CACNA2D1: variants seen among roughly 807,000 people sequenced by gnomAD.
CACNA2D1 encodes voltage-dependent calcium channel subunit alpha-2/delta-1.
Under a neutral mutation model 171.5 loss-of-function variants are expected in CACNA2D1, and 53 were observed. The ratio of observed to expected loss-of-function variants is 0.31; its 90% confidence interval spans 0.25 to 0.39. CACNA2D1 has a LOEUF of 0.39. Among genes scored for constraint, CACNA2D1 ranks in the 10% least tolerant of loss-of-function variants. CACNA2D1 has a pLI of 1.00. For missense variants in CACNA2D1, 903 were observed against 1,299.8 expected (o/e 0.69, Z 4.69); for synonymous variants, 442 against 443.1 (o/e 1.00, Z 0.03).
intron 7 of CACNA2D1, among the ~76,000 whole-genome samples, chr7:82,071,078 T>A (rs143555754): frequency 2.0e-3 from 306 of 152,306 alleles, no homozygotes; most frequent in African/African-American, 6.8e-3. Context: ...TTGTTGTTGA[T>A]GTTGTGTTAC....
At chr7:82,223,566 C>T (rs908682849) in intron 3 of CACNA2D1, among the ~76,000 whole-genome samples, 10 of 152,300 alleles carry the variant, frequency 6.6e-5, no homozygotes, top group Admixed American at 5.2e-4. Context: ...GTAAATCATA[C>T]CTCAAAATGG....
intron 4 of CACNA2D1, among the ~76,000 whole-genome samples, chr7:82,148,651 T>C (rs934262564): frequency 1.8e-4 from 27 of 152,184 alleles, no homozygotes; most frequent in Non-Finnish European, 1.0e-4. Flanking sequence ...TTTTTTGTTT[T>C]TTTGGAGATG....
intron 1 of CACNA2D1, among the ~76,000 whole-genome samples, chr7:82,425,290 C>A (rs1419227143): frequency 6.6e-6 from 1 of 152,058 alleles, no homozygotes; most frequent in East Asian, 1.9e-4. Context: ...GCCTCAACAA[C>A]CACACGATTT....
At chr7:82,407,979 T>C (rs1302602492) in intron 1 of CACNA2D1, among the ~76,000 whole-genome samples, 1 of 151,932 alleles carries the variant, frequency 6.6e-6, no homozygotes, top group African/African-American at 2.4e-5. Context: ...GAATAAAATA[T>C]ATTCTTTGCA....
intron 12 of CACNA2D1, among the ~76,000 whole-genome samples, chr7:82,014,959 G>A (rs1365369130): frequency 1.3e-5 from 2 of 152,112 alleles, no homozygotes; most frequent in African/African-American, 4.8e-5. Flanking sequence ...GGAAGCTGAG[G>A]CAGAATTGCT....
At chr7:81,987,750 C>A (rs767792033) in intron 21 of CACNA2D1, among the ~76,000 whole-genome samples, 1 of 151,982 alleles carries the variant, frequency 6.6e-6, no homozygotes, top group African/African-American at 2.4e-5. Context: ...ACTTGGAAAG[C>A]GAATGTGTGA....
chr7:82,336,722 T>C (rs774520003), intron 2 of CACNA2D1, among the ~76,000 whole-genome samples: 2 of 152,226 alleles, frequency 1.3e-5, no homozygotes, highest in African/African-American at 2.4e-5. Context: ...CAGACTAAGA[T>C]AAGATTTAGG....
At chr7:82,046,283 T>G (rs896128745) in intron 10 of CACNA2D1, among the ~76,000 whole-genome samples, 4 of 152,144 alleles carry the variant, frequency 2.6e-5, no homozygotes, top group Non-Finnish European at 4.4e-5. Context: ...TTAATCCCTG[T>G]CCAGGGAAAA....
intron 18 of CACNA2D1, among the ~76,000 whole-genome samples, chr7:82,003,970 C>A (rs909412202): frequency 6.6e-6 from 1 of 152,132 alleles, no homozygotes; most frequent in African/African-American, 2.4e-5. Flanking sequence ...GTCTCCAACT[C>A]CTGCCCTCAG....
At chr7:82,056,366 A>T (rs1288375880) in intron 10 of CACNA2D1, among the ~76,000 whole-genome samples, 1 of 152,160 alleles carries the variant, frequency 6.6e-6, no homozygotes, top group Non-Finnish European at 1.5e-5. Context: ...GGACCTATGG[A>T]GGTAGGCATG....
At chr7:82,148,506 T>C (rs1034303853) in intron 4 of CACNA2D1, among the ~76,000 whole-genome samples, 8 of 152,078 alleles carry the variant, frequency 5.3e-5, no homozygotes, top group Non-Finnish European at 8.8e-5. Flanking sequence ...TGGGAGAAAT[T>C]TGCCACATTT....
In CACNA2D1 at chr7:82,354,694, C is replaced by A. The variant is rs573031150; in HGVS notation, c.96-5045G>T. The stretch of plus-strand genomic sequence containing the variant: ...AGCTGGAAAGTATTTAAGGACTTGG[C>A]ACTATACCGGAGGTCATCAGTTTCC... On this transcript the variant is annotated intron_variant, in intron 1 of 38. Transcript: ENST00000356860. 1.1e-4 allele frequency among the ~76,000 whole-genome samples: 16 copies of A among 152,224 alleles called. No homozygotes were observed. In the East Asian group the frequency reaches 3.1e-3, roughly 29 times the overall value.
At chr7:82,002,037 AAAAAAAG>A (rs1193287065) in intron 18 of CACNA2D1, among the ~76,000 whole-genome samples, 7 of 150,230 alleles carry the variant, frequency 4.7e-5, no homozygotes, top group African/African-American at 1.7e-4. Flanking sequence ...AAAAAAAAAA[AAAAAAAG>A]AGAGAGAGAG....
At chr7:81,993,936 A>G in intron 20 of CACNA2D1, among the ~76,000 whole-genome samples, 1 of 152,102 alleles carries the variant, frequency 6.6e-6, no homozygotes, top group South Asian at 2.1e-4. Context: ...AAGTTTCAAC[A>G]AAGACTGAAA....
At chr7:82,356,109 T>C (rs1469269575) in intron 1 of CACNA2D1, among the ~76,000 whole-genome samples, 2 of 151,918 alleles carry the variant, frequency 1.3e-5, no homozygotes, top group African/African-American at 2.4e-5. Context: ...CCAAATGCAT[T>C]GAGACCTTAT....
chr7:82,030,830 T>C (rs529953222), intron 12 of CACNA2D1, among the ~76,000 whole-genome samples: 3 of 151,948 alleles, frequency 2.0e-5, no homozygotes, highest in Non-Finnish European at 2.9e-5. Context: ...ATTTTTGAGA[T>C]AGTACATTTT....
At chr7:82,295,341 AT>A (rs10645184) in intron 3 of CACNA2D1, among the ~76,000 whole-genome samples, 64,869 of 145,586 alleles carry the variant, frequency 0.45, 14,774 homozygotes, top group Middle Eastern at 0.59. Flanking sequence ...AGTAGCTTGT[AT>A]TTTTTTTTTT....
intron 4 of CACNA2D1, among the ~76,000 whole-genome samples, chr7:82,141,899 T>A (rs908452929): frequency 6.6e-6 from 1 of 152,236 alleles, no homozygotes; most frequent in African/African-American, 2.4e-5. Flanking sequence ...CAGTATCATT[T>A]AATACTTTAA....
chr7:82,198,195 T>C (rs1799047325), intron 3 of CACNA2D1, among the ~76,000 whole-genome samples: 2 of 152,054 alleles, frequency 1.3e-5, no homozygotes, highest in African/African-American at 4.8e-5. Flanking sequence ...AACAATCCTA[T>C]CAGTAGGTGC....
Sources: allele counts gnomAD v4.1 joint callset (sites outside exome capture counted in the v4.1 genomes callset), GRCh38; gene constraint gnomAD v4.1.1; transcripts MANE v1.5; gene names NCBI Gene and HGNC (gene_info 2026-07-23, HGNC 2026-07-21).